The following KLF8 variants were observed in gnomAD, a reference collection of about 807,000 sequenced individuals.
The protein encoded by KLF8 is Krueppel-like factor 8.
Under a neutral mutation model 18.2 loss-of-function variants are expected in KLF8, and 10 were observed. That is an observed-to-expected ratio of 0.55 (90% CI 0.34 to 0.93). The LOEUF (loss-of-function observed/expected upper bound fraction) is 0.93. Ranked by LOEUF, KLF8 falls within the 40% of genes least tolerant of loss-of-function variation. The pLI is 0.02. For synonymous variants in KLF8, 109 were observed against 97.3 expected, an observed-to-expected ratio of 1.12 and a Z score of -0.71; for missense variants, 264 against 277.9, an observed-to-expected ratio of 0.95 and a Z score of 0.36.
intron 3 of KLF8, chrX:56,266,388 A>G: frequency 4.2e-6 from 3 of 721,483 alleles, no homozygotes; most frequent in Non-Finnish European, 4.9e-6. Flanking sequence ...GAGTTTGGGC[A>G]TTATTCACAA....
At chrX:56,149,646 T>C in the KLF8 span, among the ~76,000 whole-genome samples, 1 of 111,604 alleles carries the variant, frequency 9.0e-6, no homozygotes, top group Non-Finnish European at 1.9e-5. Flanking sequence ...AAGAAGAGTG[T>C]TGAAACGTGG....
chrX:56,163,279 T>C, the KLF8 span, among the ~76,000 whole-genome samples: 1 of 112,102 alleles, frequency 8.9e-6, no homozygotes, highest in Non-Finnish European at 1.9e-5. Context: ...TTTTTAATGA[T>C]AGTCATTCTG....
the KLF8 span, among the ~76,000 whole-genome samples, chrX:55,960,151 A>T: frequency 8.9e-6 from 1 of 112,293 alleles, no homozygotes; most frequent in Non-Finnish European, 1.9e-5. Flanking sequence ...ACTAAGCTTC[A>T]TAAGTGGAGA....
the KLF8 span, among the ~76,000 whole-genome samples, chrX:56,167,777 T>A: frequency 8.9e-6 from 1 of 112,484 alleles, no homozygotes; most frequent in Non-Finnish European, 1.9e-5. Flanking sequence ...CAGTAAAATA[T>A]CCCAGTTCAG....
the KLF8 span, among the ~76,000 whole-genome samples, chrX:56,198,577 C>T: frequency 7.2e-5 from 8 of 111,237 alleles, no homozygotes; most frequent in South Asian, 7.6e-4. Flanking sequence ...CAATGCTCAA[C>T]GAAATAAAAA....
the KLF8 span, among the ~76,000 whole-genome samples, chrX:55,975,214 CA>C: frequency 3.6e-5 from 4 of 110,736 alleles, no homozygotes; most frequent in African/African-American, 1.3e-4. Context: ...CCAACAAAGA[CA>C]AAAGTTTGGA....
chrX:55,996,244 A>G, the KLF8 span, among the ~76,000 whole-genome samples: 1 of 110,473 alleles, frequency 9.1e-6, no homozygotes, highest in Non-Finnish European at 1.9e-5. Flanking sequence ...TGGCTATTCC[A>G]TTTTTCAGCT....
chrX:56,202,657 A>G, the KLF8 span, among the ~76,000 whole-genome samples: 1 of 99,189 alleles, frequency 1.0e-5, no homozygotes, highest in Non-Finnish European at 2.0e-5. Flanking sequence ...TTATTTTTAG[A>G]TCCCACAAAT....
At chrX:56,003,639 T>A in the KLF8 span, among the ~76,000 whole-genome samples, 3 of 111,555 alleles carry the variant, frequency 2.7e-5, no homozygotes, top group African/African-American at 9.8e-5. Flanking sequence ...CATGGCAATG[T>A]AGTGTCATTG....
the KLF8 span, among the ~76,000 whole-genome samples, chrX:56,096,163 G>C: frequency 9.2e-6 from 1 of 108,861 alleles, no homozygotes; most frequent in African/African-American, 3.5e-5. Flanking sequence ...TGGAACTGGA[G>C]GCCATTATCC....
At chrX:56,004,233 T>C in the KLF8 span, among the ~76,000 whole-genome samples, 1 of 112,464 alleles carries the variant, frequency 8.9e-6, no homozygotes, top group African/African-American at 3.2e-5. Context: ...TCAATACATG[T>C]CAAGTGTTTG....
chrX:55,967,331 G>T, the KLF8 span, among the ~76,000 whole-genome samples: 32 of 111,009 alleles, frequency 2.9e-4, no homozygotes, highest in African/African-American at 1.0e-3. Flanking sequence ...AACTCTCAAA[G>T]TTCAAGAATA....
chrX:55,983,078 C>G, the KLF8 span, among the ~76,000 whole-genome samples: 1 of 111,477 alleles, frequency 9.0e-6, no homozygotes, highest in Non-Finnish European at 1.9e-5. Flanking sequence ...GAAAAAGTAT[C>G]CTACCTAAAA....
chrX:56,011,114 A>T, the KLF8 span, among the ~76,000 whole-genome samples: 22 of 112,387 alleles, frequency 2.0e-4, no homozygotes, highest in African/African-American at 6.8e-4. Context: ...CTCTGGATCA[A>T]GTGGACCTGA....
intron 3 of KLF8, chrX:56,266,112 G>A: frequency 1.3e-6 from 1 of 775,428 alleles, no homozygotes; most frequent in South Asian, 6.3e-5. Flanking sequence ...TTCAAAAATA[G>A]TTGAAGCTTA....
the KLF8 span, among the ~76,000 whole-genome samples, chrX:56,014,466 G>C: frequency 6.2e-5 from 7 of 112,097 alleles, no homozygotes; most frequent in Non-Finnish European, 1.1e-4. Flanking sequence ...TTATTAAAAA[G>C]TCAAGAAACA....
At chrX:56,079,273 G>A in the KLF8 span, among the ~76,000 whole-genome samples, 1 of 110,852 alleles carries the variant, frequency 9.0e-6, no homozygotes, top group Non-Finnish European at 1.9e-5. Flanking sequence ...TCTCTTGTGG[G>A]CATTTAGTGC....
chrX:56,240,147 T>C (rs2207296), intron 1 of KLF8, among the ~76,000 whole-genome samples: 1 of 112,305 alleles, frequency 8.9e-6, no homozygotes, highest in Non-Finnish European at 1.9e-5. Context: ...AACATACTTA[T>C]TCCTTAATTT....
the KLF8 span, chrX:55,961,501 G>A: frequency 1.8e-6 from 1 of 550,017 alleles, no homozygotes; most frequent in South Asian, 2.2e-5. Context: ...CCTGCCCATT[G>A]GGGGTCTGGC....
Sources: gnomAD v4.1 joint callset for allele counts (sites outside exome capture counted in the v4.1 genomes callset) on GRCh38, gnomAD v4.1.1 for gene constraint, MANE v1.5 for transcripts, NCBI Gene and HGNC (gene_info 2026-07-23, HGNC 2026-07-21) for gene names.